IGF2BP2: variants seen among roughly 807,000 people sequenced by gnomAD.
IGF2BP2 encodes insulin like growth factor 2 mRNA binding protein 2.
A neutral mutation model predicts 75.8 loss-of-function variants in IGF2BP2; 17 were observed. The ratio of observed to expected loss-of-function variants is 0.22; its 90% CI spans 0.15 to 0.34. The LOEUF is 0.34. Among genes scored for constraint, IGF2BP2 ranks in the 10% least tolerant of loss-of-function variants. The pLI, the probability that IGF2BP2 is intolerant of heterozygous loss-of-function variation, is 1.00. For missense variants in IGF2BP2, 516 were observed against 772.4 expected (o/e 0.67, Z 3.93); for synonymous variants, 288 against 295.6 (o/e 0.97, Z 0.26).
chr3:185,715,017 C>T lies in IGF2BP2; in HGVS notation c.240-16670G>A, dbSNP rs181225447. On this transcript the variant is annotated intron_variant, in intron 2 of 15. Coordinates refer to ENST00000382199, the MANE Select transcript of IGF2BP2 (RefSeq NM_006548.6). ...GGCAGGGAGTGCACCTCACATGCCG[C>T]ACTGCCAAGGGACAAGCCTGCACCA... Among the ~76,000 whole-genome samples, 208 of 152,302 alleles carry T rather than the reference C, an allele frequency of 1.4e-3. 2 individuals are homozygous for T. Among genetic ancestry groups the T allele is most frequent in the Non-Finnish European group, 6.9e-4 (47 of 68,028 alleles).
At chr3:185,767,118 G>A (rs1047235458) in intron 2 of IGF2BP2, among the ~76,000 whole-genome samples, 15 of 152,154 alleles carry the variant, frequency 9.9e-5, no homozygotes, top group African/African-American at 3.4e-4. Flanking sequence ...GCAGTTGTGG[G>A]AGAAGCTTCT....
chr3:185,725,750 C>T (rs1271553239), intron 2 of IGF2BP2, among the ~76,000 whole-genome samples: 1 of 152,154 alleles, frequency 6.6e-6, no homozygotes, highest in Non-Finnish European at 1.5e-5. Flanking sequence ...AGCAGGAGGA[C>T]TGCTTGAGGC....
chr3:185,735,239 G>A (rs1356296110), intron 2 of IGF2BP2, among the ~76,000 whole-genome samples: 1 of 151,328 alleles, frequency 6.6e-6, no homozygotes, highest in Non-Finnish European at 1.5e-5. Flanking sequence ...TCCGCCTTCC[G>A]GGTTCAAGTG....
chr3:185,809,267 T>G (rs1158054277), intron 2 of IGF2BP2, among the ~76,000 whole-genome samples: 1 of 152,166 alleles, frequency 6.6e-6, no homozygotes, highest in African/African-American at 2.4e-5. Flanking sequence ...ATTCTTACCT[T>G]ATTTGTTAAA....
At chr3:185,649,821 G>A (rs1714258599) in intron 13 of IGF2BP2, among the ~76,000 whole-genome samples, 1 of 152,326 alleles carries the variant, frequency 6.6e-6, no homozygotes, top group East Asian at 1.9e-4. Flanking sequence ...AGGGCTAAGG[G>A]GATGGGTGAG....
intron 2 of IGF2BP2, among the ~76,000 whole-genome samples, chr3:185,801,346 A>G (rs1738233111): frequency 6.6e-6 from 1 of 151,980 alleles, no homozygotes; most frequent in Non-Finnish European, 1.5e-5. Flanking sequence ...AAAATTAGCC[A>G]GGCGTGGTGG....
chr3:185,710,597 G>C (rs990594276), intron 2 of IGF2BP2, among the ~76,000 whole-genome samples: 2 of 152,094 alleles, frequency 1.3e-5, no homozygotes, highest in Non-Finnish European at 2.9e-5. Context: ...GCTGGGCGTG[G>C]TGGAGGGCGC....
intron 2 of IGF2BP2, among the ~76,000 whole-genome samples, chr3:185,723,619 C>A (rs763441447): frequency 6.6e-6 from 1 of 152,164 alleles, no homozygotes; most frequent in East Asian, 1.9e-4. Flanking sequence ...TCAGGAGGAC[C>A]GAGTGTTTTT....
intron 2 of IGF2BP2, among the ~76,000 whole-genome samples, chr3:185,710,074 C>T (rs558996646): frequency 6.6e-6 from 1 of 150,596 alleles, no homozygotes; most frequent in African/African-American, 2.4e-5. Flanking sequence ...ATTCTGAGAA[C>T]TTAATTTCAA....
At chr3:185,808,181 A>C (rs1739305029) in intron 2 of IGF2BP2, among the ~76,000 whole-genome samples, 1 of 151,900 alleles carries the variant, frequency 6.6e-6, no homozygotes, top group Non-Finnish European at 1.5e-5. Flanking sequence ...AAATGTTTTA[A>C]ATTGCTAATA....
intron 14 of IGF2BP2, 61 bp downstream of exon 14, chr3:185,649,342 C>T: frequency 1.3e-6 from 2 of 1,592,870 alleles, no homozygotes; most frequent in Non-Finnish European, 1.7e-6. Flanking sequence ...TGAGGGAACT[C>T]AGGCAAGGCC....
chr3:185,730,387 T>C (rs1727985759), intron 2 of IGF2BP2, among the ~76,000 whole-genome samples: 1 of 151,962 alleles, frequency 6.6e-6, no homozygotes, highest in Non-Finnish European at 1.5e-5. Flanking sequence ...ACGACTTTGC[T>C]ATGGTGAACG....
chr3:185,765,149 C>A (rs1196944936), intron 2 of IGF2BP2, among the ~76,000 whole-genome samples: 2 of 152,130 alleles, frequency 1.3e-5, no homozygotes, highest in Non-Finnish European at 2.9e-5. Context: ...AAATAGAAAG[C>A]AAGTTTAAAG....
intron 2 of IGF2BP2, among the ~76,000 whole-genome samples, chr3:185,814,515 A>G (rs1740346216): frequency 1.3e-5 from 2 of 152,222 alleles, no homozygotes; most frequent in Non-Finnish European, 1.5e-5. Flanking sequence ...ACCTGTCCAA[A>G]GAATCACCAC....
intron 2 of IGF2BP2, among the ~76,000 whole-genome samples, chr3:185,755,304 A>G (rs950795835): frequency 3.9e-5 from 6 of 152,242 alleles, no homozygotes; most frequent in Admixed American, 2.6e-4. Context: ...GCAAGATACC[A>G]TAAACCTTGG....
At chr3:185,688,515 G>C (rs997122418) in intron 6 of IGF2BP2, among the ~76,000 whole-genome samples, 6 of 152,112 alleles carry the variant, frequency 3.9e-5, no homozygotes, top group African/African-American at 1.4e-4. Flanking sequence ...GCTGATTTTT[G>C]TATTTTTAGT....
chr3:185,784,226 C>G (rs948543251), intron 2 of IGF2BP2, among the ~76,000 whole-genome samples: 3 of 151,948 alleles, frequency 2.0e-5, no homozygotes. Flanking sequence ...CAGAGTGAGA[C>G]TTTGTCTCTA....
intron 2 of IGF2BP2, among the ~76,000 whole-genome samples, chr3:185,742,432 G>A (rs1235946799): frequency 6.6e-6 from 1 of 152,064 alleles, no homozygotes; most frequent in Non-Finnish European, 1.5e-5. Context: ...GGAGGTGGAG[G>A]TTGCAGTGAG....
intron 15 of IGF2BP2, among the ~76,000 whole-genome samples, chr3:185,646,445 G>A (rs1215741074): frequency 6.6e-6 from 1 of 152,198 alleles, no homozygotes; most frequent in Admixed American, 6.5e-5. Flanking sequence ...CAAAGACCAG[G>A]AACGCTCTCC....
Sources: gnomAD v4.1 joint callset for allele counts (sites outside exome capture counted in the v4.1 genomes callset) on GRCh38, gnomAD v4.1.1 for gene constraint, MANE v1.5 for transcripts, NCBI Gene and HGNC (gene_info 2026-07-23, HGNC 2026-07-21) for gene names.